The following SBNO1 variants were observed in gnomAD, a reference collection of about 807,000 sequenced individuals.
SBNO1 encodes the protein protein strawberry notch homolog 1.
SBNO1 carries 23 observed loss-of-function variants against 173.6 expected under a neutral mutation model. The observed-to-expected ratio is 0.13, with a 90% CI of 0.10 to 0.19. SBNO1 has a LOEUF of 0.19. SBNO1 is among the 10% of genes least tolerant of loss of function. The pLI, the probability that SBNO1 is intolerant of heterozygous loss-of-function variation, is 1.00. For synonymous variants in SBNO1, 632 were observed against 571.5 expected, an observed-to-expected ratio of 1.11 and a Z score of -1.51; for missense variants, 1,238 against 1,671.2, an observed-to-expected ratio of 0.74 and a Z score of 4.52.
chr12:123,294,671 AAAAG>A lies in SBNO1; in HGVS notation c.*1233_*1236del, dbSNP rs144998003. ...AAAAAAAAAAAAAAAAGAAAAAAAG[AAAAG>A]AAAGAAAAAGAAAGAAAAGATAAAA... is the stretch of plus-strand genomic sequence containing the variant. On this transcript the variant is annotated 3_prime_UTR_variant, in exon 32 of 32. Coordinates refer to ENST00000602398, the MANE Select transcript of SBNO1 (RefSeq NM_001167856.3). 0.032 allele frequency: 5,074 copies of A among 157,846 alleles called. 184 individuals carry two copies. The highest frequency in any genetic ancestry group is 0.18 in the East Asian group (967 of 5,276). 9.8% of individuals were successfully genotyped at this position (157,846 alleles called of 1,614,324 possible).
At chr12:123,297,712 C>A (rs1020007374) in intron 31 of SBNO1, among the ~76,000 whole-genome samples, 1 of 152,134 alleles carries the variant, frequency 6.6e-6, no homozygotes, top group Non-Finnish European at 1.5e-5. Flanking sequence ...GGAGCCTGCA[C>A]AGCCACCAAG....
rs2048576707 is a variant in SBNO1, at chr12:123,295,375, C to A, written c.*533G>T. On this transcript the variant is annotated 3_prime_UTR_variant, in exon 32 of 32. Transcript: ENST00000602398. ...TGTCAGAACAAAAATTAGAAAATAA[C>A]CTGAATGCATGATATGCAACCTTTC... 1.3e-5 allele frequency: 2 copies of A among 152,158 alleles called. No homozygotes were observed. Among genetic ancestry groups the A allele is most frequent in the Non-Finnish European group, 2.9e-5 (2 of 68,048 alleles). 9.4% of individuals were successfully genotyped at this position (152,158 alleles called of 1,614,324 possible). A position where few individuals can be genotyped will look rare whatever the true frequency, so the allele number is the denominator to read the frequency against.
At chr12:123,320,317 C>T (rs568787353) in intron 19 of SBNO1, 115 bp downstream of exon 19, 14 of 1,074,038 alleles carry the variant, frequency 1.3e-5, no homozygotes, top group East Asian at 2.4e-5. Context: ...TAAAGTAGAA[C>T]AAGAATTCTA....
rs777653100 is a variant in SBNO1, at chr12:123,296,070, T to G, written c.4040-20A>C. 1 of 1,556,594 alleles carries G rather than the reference T, an allele frequency of 6.4e-7. No individual in the cohort carries two copies. The highest frequency in any genetic ancestry group is 8.9e-7 in the Non-Finnish European group (1 of 1,127,904). ...TCAAACCTGTAATTAGTAACAAGAA[T>G]TTATCAAGTTGTGTCCAGAAGAAAC... On this transcript the variant is annotated intron_variant, in intron 31 of 31. Transcript: ENST00000602398.
chr12:123,333,764 T>C (rs1001639509), intron 7 of SBNO1, among the ~76,000 whole-genome samples: 52 of 152,142 alleles, frequency 3.4e-4, no homozygotes, highest in Non-Finnish European at 6.0e-4. Context: ...TCCCAAACTG[T>C]TGGGATTGCA....
At chr12:123,325,413 AG>A (rs1870505447) in intron 15 of SBNO1, 88 bp downstream of exon 15, 3 of 876,188 alleles carry the variant, frequency 3.4e-6, no homozygotes, top group Non-Finnish European at 5.5e-6. Flanking sequence ...GTGAAACAAA[AG>A]TTTTGTCTCC....
At position 123,304,705 on chromosome 12, in the gene SBNO1, CTTG is replaced by C. The variant is rs1459557093; in HGVS notation, c.3642_3644del (p.Asn1214del). ...CTTCTTTAACTAAGATGGCAGTTTT[CTTG>C]TTGTTCCTTATCTGTTTAAAGAAAA... On this transcript the variant is annotated inframe_deletion, in exon 29 of 32. Coordinates refer to ENST00000602398, the MANE Select transcript of SBNO1 (RefSeq NM_001167856.3). The C allele has an allele frequency of 1.3e-6, 2 of 1,524,902 alleles. No individual in the cohort carries two copies. The highest frequency in any genetic ancestry group is 1.2e-5 in the South Asian group (1 of 86,416). 94.5% of individuals were successfully genotyped at this position (1,524,902 alleles called of 1,614,324 possible). A position where few individuals can be genotyped will look rare whatever the true frequency, so the allele number is the denominator to read the frequency against.
chr12:123,315,194 G>A (rs1385639019), intron 23 of SBNO1, among the ~76,000 whole-genome samples, 179 bp downstream of exon 23: 1 of 152,186 alleles, frequency 6.6e-6, no homozygotes, highest in East Asian at 1.9e-4. Context: ...TTGCTGTACT[G>A]ATACTTAACA....
intron 3 of SBNO1, among the ~76,000 whole-genome samples, chr12:123,347,491 G>A (rs1029160636): frequency 2.0e-5 from 3 of 151,668 alleles, no homozygotes; most frequent in African/African-American, 4.8e-5. Context: ...CTCCAAAAGT[G>A]TTGGGATTAC....
intron 28 of SBNO1, among the ~76,000 whole-genome samples, chr12:123,307,810 G>A (rs560489168): frequency 3.5e-4 from 53 of 152,232 alleles, no homozygotes; most frequent in Admixed American, 1.6e-3. Flanking sequence ...GGTGGCTCAT[G>A]CCTGTAATCC....
chr12:123,289,738 A>C lies in SBNO1; in HGVS notation c.*6170T>G, dbSNP rs2048483081. 1 of 152,264 alleles carries C rather than the reference A, an allele frequency of 6.6e-6. No homozygotes were observed. Among genetic ancestry groups the C allele is most frequent in the South Asian group, 2.1e-4 (1 of 4,830 alleles). The allele number at this position is 152,264 out of a possible 1,614,324, so 9.4% of individuals were successfully genotyped here. The stretch of plus-strand genomic sequence containing the variant: ...GTAGTTTGCAAATTCAGTATAAACC[A>C]TGAACAGGATATTTTTCTGATAGCG... On this transcript the variant is annotated 3_prime_UTR_variant, in exon 32 of 32. Transcript: ENST00000602398.
Position 123,309,540 on chromosome 12 carries a change from T to C in SBNO1, c.3486A>G (p.Lys1162=). The change falls in exon 27 of 32, where the codon AAA becomes AAG. Residue 1162 remains lysine (K), a synonymous_variant. Coordinates refer to ENST00000602398, the MANE Select transcript of SBNO1 (RefSeq NM_001167856.3). The stretch of plus-strand genomic sequence containing the variant: ...TTGAATATCCTGGAGTCAGAAACTT[T>C]TTAACATCACTTTTCCGCACTTTTT... The part of the protein sequence containing the change: ...GDEKVRKSDV[K]KFLTPGYSTS... The C allele has an allele frequency of 6.2e-7, 1 of 1,614,122 alleles. No homozygotes were observed. The highest frequency in any genetic ancestry group is 8.5e-7 in the Non-Finnish European group (1 of 1,179,956).
intron 10 of SBNO1, 127 bp from the exon 11 acceptor site, chr12:123,328,154 G>A (rs1217513903): frequency 4.4e-6 from 3 of 684,496 alleles, no homozygotes; most frequent in Non-Finnish European, 7.1e-6. Context: ...CAAATACAAA[G>A]GAAGTCCTAT....
intron 30 of SBNO1, among the ~76,000 whole-genome samples, 180 bp from the exon 31 acceptor site, chr12:123,298,351 CTG>C (rs2048673427): frequency 6.6e-6 from 1 of 152,122 alleles, no homozygotes; most frequent in South Asian, 2.1e-4. Flanking sequence ...ATTGCAACCT[CTG>C]CCTCCCAGGG....
chr12:123,296,945 C>T (rs1456825575), intron 31 of SBNO1, among the ~76,000 whole-genome samples: 3 of 151,942 alleles, frequency 2.0e-5, no homozygotes, highest in African/African-American at 7.3e-5. Flanking sequence ...AATCCTCCTG[C>T]CTCAGCCTCC....
At chr12:123,343,188 G>A (rs747199232) in intron 4 of SBNO1, among the ~76,000 whole-genome samples, 1 of 152,136 alleles carries the variant, frequency 6.6e-6, no homozygotes, top group Non-Finnish European at 1.5e-5. Flanking sequence ...AGCCGAGGTC[G>A]CGCCATTGCA....
Position 123,328,816 on chromosome 12 carries a change from A to G in SBNO1, c.1214T>C (p.Ile405Thr). Residue 405 changes from isoleucine (I) to threonine (T), a missense_variant, in exon 10 of 32, where the codon ATT becomes ACT. Physicochemically the swap from Ile to Thr is moderately conservative, Grantham distance 89. Coordinates refer to ENST00000602398, the MANE Select transcript of SBNO1 (RefSeq NM_001167856.3). ...CTTGCCGCCAGACTGGCTTTCACCA[A>G]TAAGTGAAGAGTAAGTAGCAAAAAT... ...GVIFATYSSLIGESQSGGKYK... is the reference protein window; with the variant it reads ...GVIFATYSSLTGESQSGGKYK... 3 of 1,610,534 alleles carry G rather than the reference A, an allele frequency of 1.9e-6. No homozygotes were observed. The highest frequency in any genetic ancestry group is 2.5e-6 in the Non-Finnish European group (3 of 1,177,556).
chr12:123,318,728 ACT>A (rs1351223626), intron 20 of SBNO1, among the ~76,000 whole-genome samples: 2 of 117,914 alleles, frequency 1.7e-5, no homozygotes, highest in South Asian at 3.4e-4. Flanking sequence ...ACAGAGTAAG[ACT>A]CTGTCTCAAA....
intron 24 of SBNO1, among the ~76,000 whole-genome samples, chr12:123,311,720 C>CTATCTATATATATATATATA (rs1224940028): frequency 7.8e-6 from 1 of 127,448 alleles, no homozygotes; most frequent in African/African-American, 3.2e-5. Context: ...ATCTATCTAT[C>CTATCTATATATATATATATA]TATATATATA....
Sources: gnomAD v4.1 joint callset for allele counts (sites outside exome capture counted in the v4.1 genomes callset) on GRCh38, gnomAD v4.1.1 for gene constraint, MANE v1.5 for transcripts, NCBI Gene and HGNC (gene_info 2026-07-23, HGNC 2026-07-21) for gene names.